Variants in TMEM217B observed in about 807,000 individuals in gnomAD.
TMEM217B encodes transmembrane protein 217B.
At chr6:37,229,633 C>T in the TMEM217B span, among the ~76,000 whole-genome samples, 6 of 152,134 alleles carry the variant, frequency 3.9e-5, no homozygotes, top group South Asian at 2.1e-4. Flanking sequence ...TGAGCCACCG[C>T]GCCGGCCAAT....
chr6:37,245,446 T>C, the TMEM217B span, among the ~76,000 whole-genome samples: 2 of 152,218 alleles, frequency 1.3e-5, no homozygotes, highest in East Asian at 1.9e-4. Flanking sequence ...CATCACAAAC[T>C]CCTCCCGATT....
the TMEM217B span, among the ~76,000 whole-genome samples, chr6:37,244,241 T>A: frequency 6.6e-6 from 1 of 152,214 alleles, no homozygotes; most frequent in Non-Finnish European, 1.5e-5. Context: ...TGCATAGGAA[T>A]GAACAAGGAG....
the TMEM217B span, among the ~76,000 whole-genome samples, chr6:37,243,926 A>G: frequency 6.6e-6 from 1 of 152,202 alleles, no homozygotes; most frequent in Non-Finnish European, 1.5e-5. Flanking sequence ...AGGAGCCCAC[A>G]TGGAGTCAGC....
the TMEM217B span, chr6:37,257,660 T>C: frequency 1.9e-6 from 1 of 520,176 alleles, no homozygotes; most frequent in Middle Eastern, 5.0e-4. Flanking sequence ...GCCCAGCCCC[T>C]GACGTTACCG....
the TMEM217B span, among the ~76,000 whole-genome samples, chr6:37,247,742 T>C: frequency 3.9e-5 from 6 of 152,202 alleles, no homozygotes; most frequent in African/African-American, 1.4e-4. Context: ...AAAAAAACTC[T>C]GAGAAACACA....
At chr6:37,238,333 G>C in the TMEM217B span, among the ~76,000 whole-genome samples, 1 of 152,126 alleles carries the variant, frequency 6.6e-6, no homozygotes, top group Non-Finnish European at 1.5e-5. Flanking sequence ...TTTATGCCAA[G>C]GAGTAGCTAC....
the TMEM217B span, chr6:37,215,250 G>A: frequency 6.2e-7 from 1 of 1,613,832 alleles, no homozygotes. Flanking sequence ...GCTTGGCACT[G>A]GAGACAGACA....
At chr6:37,256,125 A>G in the TMEM217B span, among the ~76,000 whole-genome samples, 1 of 152,250 alleles carries the variant, frequency 6.6e-6, no homozygotes, top group Admixed American at 6.5e-5. Flanking sequence ...ACATCTCTAA[A>G]GCCATGTGCA....
the TMEM217B span, among the ~76,000 whole-genome samples, chr6:37,257,058 G>A: frequency 6.6e-6 from 1 of 152,208 alleles, no homozygotes; most frequent in Non-Finnish European, 1.5e-5. Context: ...TTCACACGAT[G>A]GAGCAATACT....
chr6:37,258,007 G>A, the TMEM217B span: 19 of 1,609,150 alleles, frequency 1.2e-5, no homozygotes, highest in Non-Finnish European at 1.6e-5. Flanking sequence ...ATAGGGGATT[G>A]GACCAAACCC....
chr6:37,256,810 G>A, the TMEM217B span, among the ~76,000 whole-genome samples: 1 of 152,090 alleles, frequency 6.6e-6, no homozygotes, highest in Non-Finnish European at 1.5e-5. Flanking sequence ...AAACCACTCT[G>A]GACTGGTGCC....
the TMEM217B span, among the ~76,000 whole-genome samples, chr6:37,222,070 C>T: frequency 2.0e-5 from 3 of 152,212 alleles, no homozygotes; most frequent in Non-Finnish European, 2.9e-5. Flanking sequence ...TCTCTGCTCT[C>T]TTCGTCCTCT....
chr6:37,213,214 G>A, the TMEM217B span, among the ~76,000 whole-genome samples: 28 of 152,342 alleles, frequency 1.8e-4, 1 homozygote, highest in Admixed American at 1.8e-3. Flanking sequence ...CACTGGCCTG[G>A]GACTTCCTAA....
chr6:37,230,282 T>G, the TMEM217B span, among the ~76,000 whole-genome samples: 90 of 152,234 alleles, frequency 5.9e-4, no homozygotes, highest in Non-Finnish European at 1.1e-3. Flanking sequence ...CTCTTTACCT[T>G]CAGGTCCTTA....
the TMEM217B span, among the ~76,000 whole-genome samples, chr6:37,221,813 C>T: frequency 6.6e-6 from 1 of 152,130 alleles, no homozygotes; most frequent in Non-Finnish European, 1.5e-5. Flanking sequence ...AGTGTTAGAT[C>T]AGCTAAAAGG....
At chr6:37,251,235 A>G in the TMEM217B span, among the ~76,000 whole-genome samples, 1 of 152,294 alleles carries the variant, frequency 6.6e-6, no homozygotes, top group South Asian at 2.1e-4. Flanking sequence ...ACAGGAAACA[A>G]GGTTTGAGGG....
the TMEM217B span, among the ~76,000 whole-genome samples, chr6:37,231,226 ATTTTTTTTTTT>A: frequency 3.4e-5 from 3 of 87,448 alleles, no homozygotes; most frequent in African/African-American, 4.6e-5. Flanking sequence ...TGCCTGGCTA[ATTTTTTTTTTT>A]TTTTTTTTTT....
chr6:37,214,606 C>T, the TMEM217B span, among the ~76,000 whole-genome samples: 3 of 152,156 alleles, frequency 2.0e-5, no homozygotes, highest in South Asian at 2.1e-4. Context: ...CCTCTTCCCC[C>T]GCTCCCTACT....
chr6:37,243,875 T>C, the TMEM217B span, among the ~76,000 whole-genome samples: 1 of 152,130 alleles, frequency 6.6e-6, no homozygotes, highest in Non-Finnish European at 1.5e-5. Context: ...TGAGTCTGCC[T>C]CTGGATGGGG....
Sources: gnomAD v4.1 joint callset for allele counts (sites outside exome capture counted in the v4.1 genomes callset) on GRCh38, gnomAD v4.1.1 for gene constraint, MANE v1.5 for transcripts, NCBI Gene and HGNC (gene_info 2026-07-23, HGNC 2026-07-21) for gene names.